The following CCDC25 variants were observed in gnomAD, a reference collection of about 807,000 sequenced individuals.
CCDC25 encodes coiled-coil domain containing 25.
In CCDC25, 16 loss-of-function variants were observed where a neutral mutation model predicts 35.3. The observed-to-expected ratio is 0.45, with a 90% CI of 0.31 to 0.69. The LOEUF is 0.69. Among genes scored for constraint, CCDC25 ranks in the 30% least tolerant of loss-of-function variants. The probability of loss-of-function intolerance (pLI) is 0.06; values close to 1 mark genes in which losing one functional copy is unlikely to be tolerated. For missense variants in CCDC25, 179 were observed against 250.7 expected, an observed-to-expected ratio of 0.71 and a Z score of 1.93; for synonymous variants, 79 against 80.3, an observed-to-expected ratio of 0.98 and a Z score of 0.09.
At chr8:27,772,465 C>T (rs561925634) in intron 1 of CCDC25, 48 bp downstream of exon 1, 29 of 1,542,232 alleles carry the variant, frequency 1.9e-5, no homozygotes, top group African/African-American at 1.6e-4. Context: ...GTCCCGGCTT[C>T]GGAGCCCGCT....
chr8:27,758,215 C>G (rs1804085460), intron 3 of CCDC25, among the ~76,000 whole-genome samples: 1 of 152,170 alleles, frequency 6.6e-6, no homozygotes, highest in Non-Finnish European at 1.5e-5. Context: ...ATCATTACAT[C>G]CCATTATGTT....
intron 3 of CCDC25, among the ~76,000 whole-genome samples, chr8:27,761,945 G>A (rs904135259): frequency 3.9e-5 from 6 of 152,160 alleles, no homozygotes; most frequent in Admixed American, 2.0e-4. Context: ...GAAAGAAGGC[G>A]TCGGGGTTGG....
intron 7 of CCDC25, among the ~76,000 whole-genome samples, chr8:27,746,832 G>A (rs112065509): frequency 1.4e-4 from 22 of 152,220 alleles, no homozygotes; most frequent in East Asian, 3.9e-4. Flanking sequence ...CCAGAAACAC[G>A]TGCATGCGAA....
chr8:27,764,561 G>C (rs999010212), intron 2 of CCDC25: 14 of 284,752 alleles, frequency 4.9e-5, no homozygotes, highest in Non-Finnish European at 8.6e-5. Context: ...TTACAGGCGT[G>C]AACCACCATG....
intron 4 of CCDC25, 132 bp downstream of exon 4, chr8:27,756,587 C>T (rs979671023): frequency 7.7e-5 from 49 of 638,326 alleles, no homozygotes; most frequent in Non-Finnish European, 1.3e-4. Flanking sequence ...AGGGAAGACA[C>T]GTCTTCATTT....
In CCDC25 at chr8:27,772,446, G is replaced by A. The variant is rs1411240250; in HGVS notation, c.28+67C>T. Reference sequence around the variant, plus strand: ...TAGAGCGAGGGTCAGGCGCAGCGGCGGACTGCGGGTCCCGGCTTCGGAGCC... The same window carrying A: ...TAGAGCGAGGGTCAGGCGCAGCGGCAGACTGCGGGTCCCGGCTTCGGAGCC... On this transcript the variant is annotated intron_variant, in intron 1 of 8. Transcript: ENST00000356537. The A allele has an allele frequency of 4.0e-6, 6 of 1,483,532 alleles. 1 individual carries two copies. Among genetic ancestry groups the A allele is most frequent in the African/African-American group, 2.8e-5 (2 of 71,854 alleles). The allele number at this position is 1,483,532 out of a possible 1,614,324, so 91.9% of individuals were successfully genotyped here.
chr8:27,742,690 C>A (rs1198661067), intron 7 of CCDC25, among the ~76,000 whole-genome samples: 3 of 152,142 alleles, frequency 2.0e-5, no homozygotes, highest in Admixed American at 2.0e-4. Context: ...CATGGTGAAA[C>A]CCTGTCTTTA....
Position 27,765,227 on chromosome 8 carries a change from T to A in CCDC25, c.53A>T (p.Tyr18Phe). 1 of 1,508,210 alleles carries A rather than the reference T, an allele frequency of 6.6e-7. No homozygotes were observed. Among genetic ancestry groups the A allele is most frequent in the Non-Finnish European group, 9.0e-7 (1 of 1,109,826 alleles). 93.4% of individuals were successfully genotyped at this position (1,508,210 alleles called of 1,614,324 possible). Residue 18 changes from tyrosine to phenylalanine, a missense_variant, in exon 2 of 9, where the codon TAC becomes TTC. Tyr to Phe is a conservative substitution (Grantham distance 22). Transcript: ENST00000356537. ...SSVNSSAYTIYMGKDKYENED... is the reference protein window; with the variant it reads ...SSVNSSAYTIFMGKDKYENED... ...ACTTTCATATTTATCTTTTCCCATG[T>A]AAATAGTGTAGGCAGATGAATTAAC...
intron 8 of CCDC25, among the ~76,000 whole-genome samples, chr8:27,736,882 C>T (rs1467322334): frequency 6.6e-6 from 1 of 152,192 alleles, no homozygotes; most frequent in East Asian, 1.9e-4. Context: ...AGGCCACACA[C>T]AAAGGTAGAG....
chr8:27,738,777 C>T (rs570348068), intron 8 of CCDC25, among the ~76,000 whole-genome samples: 2 of 152,210 alleles, frequency 1.3e-5, no homozygotes, highest in East Asian at 3.9e-4. Flanking sequence ...AGCAAAATAA[C>T]CACAACAATG....
intron 7 of CCDC25, among the ~76,000 whole-genome samples, chr8:27,745,561 T>G (rs1803575531): frequency 6.6e-6 from 1 of 152,194 alleles, no homozygotes; most frequent in South Asian, 2.1e-4. Context: ...GGGTGGAAGA[T>G]TCAAAGACAG....
intron 4 of CCDC25, 98 bp downstream of exon 4, chr8:27,756,621 A>G (rs2280884): frequency 0.44 from 356,539 of 815,666 alleles, 79,847 homozygotes; most frequent in East Asian, 0.63. Flanking sequence ...TTTGCGTACC[A>G]ACTTATTACT....
chr8:27,742,112 AAAG>A (rs987697555), intron 7 of CCDC25, among the ~76,000 whole-genome samples: 3 of 152,220 alleles, frequency 2.0e-5, no homozygotes, highest in Non-Finnish European at 2.9e-5. Flanking sequence ...AAAATGTTGC[AAAG>A]AAGATGTGCC....
chr8:27,749,083 T>C (rs760249322), intron 5 of CCDC25, among the ~76,000 whole-genome samples: 3 of 152,134 alleles, frequency 2.0e-5, no homozygotes, highest in African/African-American at 7.2e-5. Flanking sequence ...TGTGAGGAAA[T>C]TGGACTAGTT....
chr8:27,738,608 G>A (rs1005531044), intron 8 of CCDC25, among the ~76,000 whole-genome samples: 1 of 151,604 alleles, frequency 6.6e-6, no homozygotes, highest in Non-Finnish European at 1.5e-5. Flanking sequence ...GTAGGTGTGT[G>A]TGTGTGTGTG....
At chr8:27,761,276 G>A (rs1419630609) in intron 3 of CCDC25, among the ~76,000 whole-genome samples, 3 of 152,198 alleles carry the variant, frequency 2.0e-5, no homozygotes, top group Non-Finnish European at 4.4e-5. Context: ...GAAGAAAGGA[G>A]CTGAAGCCAA....
Position 27,772,584 on chromosome 8 carries a change from C to T in CCDC25, c.-44G>A, listed in dbSNP as rs1045271214. 1.9e-6 allele frequency: 3 copies of T among 1,541,308 alleles called. No homozygotes were observed. Among genetic ancestry groups the T allele is most frequent in the Admixed American group, 2.0e-5 (1 of 50,848 alleles). ...GTGACTCCACCGCGGAGCAGCAGCG[C>T]TCAACTCACGAAGCTCAGGATACCA... is the stretch of plus-strand genomic sequence containing the variant. On this transcript the variant is annotated 5_prime_UTR_variant, in exon 1 of 9. Coordinates refer to ENST00000356537, the MANE Select transcript of CCDC25 (RefSeq NM_018246.3).
In CCDC25 at chr8:27,752,597, A is replaced by C; in HGVS notation, c.169-10T>G. On this transcript the variant is annotated splice_polypyrimidine_tract_variant and intron_variant, in intron 4 of 8. Transcript: ENST00000356537. ...CTTCTATATTCTCTCCCTGAAACAC[A>C]AAAATAAACCAATTGGTCCACTACC... 1 of 1,609,230 alleles carries C rather than the reference A, an allele frequency of 6.2e-7. No homozygotes were observed.
At position 27,748,213 on chromosome 8, in the gene CCDC25, C is replaced by A. The variant is rs1188357550; in HGVS notation, c.415G>T (p.Glu139Ter). 1.2e-6 allele frequency: 2 copies of A among 1,613,968 alleles called. No homozygotes were observed. The highest frequency in any genetic ancestry group is 1.7e-6 in the Non-Finnish European group (2 of 1,179,904). Residue 139 changes from glutamate (E) to a stop codon, truncating the protein, a stop_gained, in exon 7 of 9, where the codon GAG becomes TAG. Transcript: ENST00000356537. LOFTEE classifies it high-confidence loss of function. ...ILNRLEKTKV[E>*]RFPDLAAEKE... ...TCTGCTGCTAGGTCTGGGAACCGCT[C>A]GACTTTGGTCTTTTCTAATCGGTTC... is the stretch of plus-strand genomic sequence containing the variant.
Sources: gnomAD v4.1 joint callset for allele counts (sites outside exome capture counted in the v4.1 genomes callset) on GRCh38, gnomAD v4.1.1 for gene constraint, MANE v1.5 for transcripts, NCBI Gene and HGNC (gene_info 2026-07-23, HGNC 2026-07-21) for gene names.